The following SYN3 variants were observed in gnomAD, a reference collection of about 807,000 sequenced individuals.
SYN3 encodes synapsin III, also known as synapsin-3.
SYN3 carries 35 observed loss-of-function variants against 65.8 expected under a neutral mutation model. The ratio of observed to expected loss-of-function variants is 0.53; its 90% confidence interval spans 0.41 to 0.70. The LOEUF (loss-of-function observed/expected upper bound fraction) is 0.70. Ranked by LOEUF, SYN3 falls within the 30% of genes least tolerant of loss-of-function variation. The probability of loss-of-function intolerance (pLI) is 0.00; values close to 1 mark genes in which losing one functional copy is unlikely to be tolerated. For synonymous variants in SYN3, 270 were observed against 292.9 expected, an observed-to-expected ratio of 0.92 and a Z score of 0.80; for missense variants, 680 against 749.0, an observed-to-expected ratio of 0.91 and a Z score of 1.08.
intron 6 of SYN3, among the ~76,000 whole-genome samples, chr22:32,637,640 T>C (rs1198297025): frequency 9.8e-5 from 9 of 91,670 alleles, no homozygotes; most frequent in African/African-American, 1.7e-4. Context: ...CTTTTTTTTT[T>C]TTTTTTTTTT....
chr22:32,714,356 T>G (rs1284053654), intron 6 of SYN3, among the ~76,000 whole-genome samples: 1 of 152,180 alleles, frequency 6.6e-6, no homozygotes. Context: ...TGGGAGTTTG[T>G]CTGGCTGGTC....
At chr22:32,721,827 G>A (rs1433716340) in intron 6 of SYN3, among the ~76,000 whole-genome samples, 1 of 152,220 alleles carries the variant, frequency 6.6e-6, no homozygotes, top group Non-Finnish European at 1.5e-5. Flanking sequence ...AGAAGAGTGA[G>A]TGGGAGCAGG....
intron 3 of SYN3, 70 bp downstream of exon 3, chr22:32,980,575 T>C (rs1166526977): frequency 3.5e-6 from 5 of 1,408,612 alleles, no homozygotes; most frequent in Non-Finnish European, 3.0e-6. Context: ...GGGACCAAGA[T>C]TGCATGTAAG....
chr22:33,044,786 A>T (rs1166254106), intron 1 of SYN3, among the ~76,000 whole-genome samples: 1 of 151,322 alleles, frequency 6.6e-6, no homozygotes, highest in Admixed American at 6.6e-5. Flanking sequence ...CAGGTCTCCT[A>T]CTTGAGGGAT....
chr22:32,771,515 G>A (rs556171529), intron 6 of SYN3, among the ~76,000 whole-genome samples: 74 of 152,286 alleles, frequency 4.9e-4, no homozygotes, highest in African/African-American at 1.8e-3. Context: ...GCATCTACTA[G>A]CTGTCTGACA....
intron 1 of SYN3, among the ~76,000 whole-genome samples, chr22:33,045,874 C>A (rs529917955): frequency 1.3e-5 from 2 of 152,070 alleles, no homozygotes; most frequent in African/African-American, 4.8e-5. Context: ...ACCTTTCCCC[C>A]ACTATGGCTC....
At chr22:32,636,130 G>A (rs954209338) in intron 6 of SYN3, among the ~76,000 whole-genome samples, 1 of 152,150 alleles carries the variant, frequency 6.6e-6, no homozygotes, top group African/African-American at 2.4e-5. Context: ...GGCCGGGCGT[G>A]GTGGCTCATG....
At chr22:33,002,506 T>C (rs1601882137) in intron 2 of SYN3, among the ~76,000 whole-genome samples, 1 of 151,784 alleles carries the variant, frequency 6.6e-6, no homozygotes, top group Admixed American at 6.6e-5. Context: ...TACCCGGGCG[T>C]GGTGGCGCCT....
chr22:32,681,370 A>G (rs1245692779), intron 6 of SYN3, among the ~76,000 whole-genome samples: 1 of 152,198 alleles, frequency 6.6e-6, no homozygotes, highest in Non-Finnish European at 1.5e-5. Context: ...GTTCTCAACC[A>G]GGGGCCATTT....
intron 6 of SYN3, among the ~76,000 whole-genome samples, chr22:32,776,065 G>C (rs1429055676): frequency 6.6e-6 from 1 of 152,106 alleles, no homozygotes; most frequent in Non-Finnish European, 1.5e-5. Flanking sequence ...GGTGCCCGCA[G>C]AGAGAGAGAT....
intron 6 of SYN3, among the ~76,000 whole-genome samples, chr22:32,714,048 A>G (rs1242321089): frequency 6.6e-6 from 1 of 152,190 alleles, no homozygotes; most frequent in African/African-American, 2.4e-5. Context: ...TTCTGTACAC[A>G]GCTCAGGACA....
intron 4 of SYN3, among the ~76,000 whole-genome samples, chr22:32,886,029 G>A (rs2049277955): frequency 3.3e-5 from 5 of 152,152 alleles, no homozygotes; most frequent in South Asian, 2.1e-4. Context: ...GAAAGAAGGC[G>A]GGCAACCAAC....
intron 6 of SYN3, among the ~76,000 whole-genome samples, chr22:32,658,413 G>T (rs1477689395): frequency 2.0e-5 from 3 of 152,220 alleles, no homozygotes; most frequent in Admixed American, 2.0e-4. Flanking sequence ...GTGAGAGGCA[G>T]GGGTCCTCCT....
At chr22:32,843,711 C>G (rs774769744) in intron 6 of SYN3, among the ~76,000 whole-genome samples, 18 of 152,298 alleles carry the variant, frequency 1.2e-4, no homozygotes, top group Non-Finnish European at 2.6e-4. Flanking sequence ...GCCCATGGTC[C>G]AGGCTTTTCT....
chr22:32,797,157 C>T (rs1396693979), intron 6 of SYN3, among the ~76,000 whole-genome samples: 1 of 152,146 alleles, frequency 6.6e-6, no homozygotes, highest in Non-Finnish European at 1.5e-5. Flanking sequence ...TGTTCTCTGG[C>T]TTATAGCGCC....
chr22:32,845,966 T>C (rs1321962773), intron 6 of SYN3, among the ~76,000 whole-genome samples: 1 of 152,230 alleles, frequency 6.6e-6, no homozygotes, highest in Non-Finnish European at 1.5e-5. Context: ...ACGGACAGAT[T>C]AATGCACAAA....
intron 1 of SYN3, among the ~76,000 whole-genome samples, chr22:33,052,295 G>A (rs2054180542): frequency 6.6e-6 from 1 of 152,164 alleles, no homozygotes; most frequent in Admixed American, 6.5e-5. Flanking sequence ...AATTCATTCA[G>A]AGGGACCTGG....
intron 8 of SYN3, among the ~76,000 whole-genome samples, chr22:32,541,136 T>C (rs1383310978): frequency 6.6e-6 from 1 of 152,216 alleles, no homozygotes; most frequent in Non-Finnish European, 1.5e-5. Flanking sequence ...CTGGTCTTAT[T>C]GGCTTCAGAG....
At chr22:32,697,166 TG>T (rs2060748063) in intron 6 of SYN3, among the ~76,000 whole-genome samples, 1 of 152,204 alleles carries the variant, frequency 6.6e-6, no homozygotes. Flanking sequence ...TTAAATGCCC[TG>T]ATCTAAGTGG....
Sources: gnomAD v4.1 joint callset for allele counts (sites outside exome capture counted in the v4.1 genomes callset) on GRCh38, gnomAD v4.1.1 for gene constraint, MANE v1.5 for transcripts, NCBI Gene and HGNC (gene_info 2026-07-23, HGNC 2026-07-21) for gene names.